The following RBMS3 variants were observed in gnomAD, a reference collection of about 807,000 sequenced individuals.
RBMS3 encodes the protein RNA binding motif single stranded interacting protein 3, also known as RNA-binding motif, single-stranded-interacting protein 3.
A neutral mutation model predicts 66.8 loss-of-function variants in RBMS3; 27 were observed. The observed-to-expected ratio is 0.40, with a 90% CI of 0.30 to 0.56. The LOEUF (loss-of-function observed/expected upper bound fraction) is 0.56, where lower values mean the gene tolerates loss of function less well. Ranked by LOEUF, RBMS3 falls within the 20% of genes least tolerant of loss-of-function variation. RBMS3 has a pLI of 0.40. For synonymous variants in RBMS3, 188 were observed against 183.0 expected, an observed-to-expected ratio of 1.03 and a Z score of -0.22; for missense variants, 513 against 549.5, an observed-to-expected ratio of 0.93 and a Z score of 0.66.
chr3:29,410,227 C>T (rs550421883), intron 1 of RBMS3, among the ~76,000 whole-genome samples: 30 of 152,344 alleles, frequency 2.0e-4, no homozygotes, highest in African/African-American at 7.2e-4. Context: ...GAACTGCCTG[C>T]AGCCTGTAAC....
intron 6 of RBMS3, among the ~76,000 whole-genome samples, chr3:29,864,487 TTTG>T (rs201377299): frequency 0.012 from 1,880 of 152,126 alleles, 40 homozygotes; most frequent in African/African-American, 0.043. Context: ...AACACATCTT[TTTG>T]TTGTTGTTGT....
rs559248579 is a variant in RBMS3, at chr3:29,629,965, T to A, written c.399+42760T>A. ...ATTCATAGTAGGTCACAGGAAATCA[T>A]CCCTTTCTCATGTTATGAAACAGAA... On this transcript the variant is annotated intron_variant, in intron 4 of 14. Transcript: ENST00000383767. Among the ~76,000 whole-genome samples, 4 of 152,186 alleles carry A rather than the reference T, an allele frequency of 2.6e-5. No individual in the cohort carries two copies. In the South Asian group the frequency reaches 8.3e-4, roughly 32 times the overall value.
chr3:29,487,831 A>G (rs143522151), intron 2 of RBMS3, among the ~76,000 whole-genome samples: 4 of 152,194 alleles, frequency 2.6e-5, no homozygotes, highest in Non-Finnish European at 5.9e-5. Context: ...CAAAAAGCAC[A>G]TATTACTTAC....
At chr3:29,295,273 TTATATATATATATATA>T (rs370586837) in intron 1 of RBMS3, among the ~76,000 whole-genome samples, 1 of 51,352 alleles carries the variant, frequency 1.9e-5, no homozygotes. Flanking sequence ...TTGCAGAAAA[TTATATATATATATATA>T]TATATACATA....
intron 1 of RBMS3, among the ~76,000 whole-genome samples, chr3:29,362,098 C>T (rs2037629875): frequency 6.6e-6 from 1 of 152,238 alleles, no homozygotes; most frequent in Admixed American, 6.5e-5. Context: ...TGAGGAGCTG[C>T]ATTCCTTTGG....
At chr3:29,779,978 T>TG (rs1280284871) in intron 6 of RBMS3, among the ~76,000 whole-genome samples, 1 of 151,138 alleles carries the variant, frequency 6.6e-6, no homozygotes, top group Non-Finnish European at 1.5e-5. Flanking sequence ...GAAGTAATAA[T>TG]GGGGGTAAAA....
intron 6 of RBMS3, among the ~76,000 whole-genome samples, chr3:29,865,798 T>A (rs1284572692): frequency 6.6e-6 from 1 of 152,082 alleles, no homozygotes; most frequent in African/African-American, 2.4e-5. Context: ...TATGGGCCAA[T>A]TCTGCTTATA....
At chr3:29,453,940 G>A (rs1465030620) in intron 2 of RBMS3, among the ~76,000 whole-genome samples, 2 of 152,178 alleles carry the variant, frequency 1.3e-5, no homozygotes, top group Non-Finnish European at 1.5e-5. Context: ...ACTGGAGGAG[G>A]TGAGGGAAGA....
chr3:29,531,410 A>G (rs1231510319), intron 3 of RBMS3, among the ~76,000 whole-genome samples: 1 of 152,214 alleles, frequency 6.6e-6, no homozygotes, highest in Non-Finnish European at 1.5e-5. Context: ...GTTTATTTCA[A>G]CTAATGACTC....
chr3:29,527,453 C>G (rs922181263), intron 3 of RBMS3, among the ~76,000 whole-genome samples: 2 of 152,086 alleles, frequency 1.3e-5, no homozygotes, highest in Non-Finnish European at 2.9e-5. Flanking sequence ...TTGTGTGAAT[C>G]TGGGCCTGAA....
chr3:29,900,290 A>G (rs981864319), intron 10 of RBMS3, among the ~76,000 whole-genome samples: 3 of 151,782 alleles, frequency 2.0e-5, no homozygotes, highest in South Asian at 2.1e-4. Flanking sequence ...AGATGAATTT[A>G]TATAGATAGA....
At chr3:29,407,918 A>G (rs985684379) in intron 1 of RBMS3, among the ~76,000 whole-genome samples, 27 of 152,326 alleles carry the variant, frequency 1.8e-4, no homozygotes, top group African/African-American at 5.1e-4. Context: ...TATCCTTAAG[A>G]GACATTATGG....
chr3:29,703,789 T>C (rs9878859), intron 4 of RBMS3, among the ~76,000 whole-genome samples: 1,988 of 152,294 alleles, frequency 0.013, 36 homozygotes, highest in African/African-American at 0.041. Context: ...CCCTACAGGT[T>C]GTGTTACAAA....
intron 1 of RBMS3, among the ~76,000 whole-genome samples, chr3:29,419,717 T>C (rs2040623598): frequency 1.3e-5 from 2 of 152,168 alleles, no homozygotes; most frequent in Admixed American, 6.5e-5. Flanking sequence ...TTCGCCAAAG[T>C]GTTGGGTTCC....
chr3:29,794,930 C>T (rs998692709), intron 6 of RBMS3, among the ~76,000 whole-genome samples: 3 of 152,172 alleles, frequency 2.0e-5, no homozygotes, highest in Admixed American at 6.5e-5. Flanking sequence ...AAGCATGTAT[C>T]TTATGGTAGC....
intron 11 of RBMS3, among the ~76,000 whole-genome samples, chr3:29,943,602 G>C (rs1217202727): frequency 6.6e-6 from 1 of 151,766 alleles, no homozygotes; most frequent in Admixed American, 6.6e-5. Flanking sequence ...AATAGATTCT[G>C]TTCTGTGTAT....
At chr3:29,613,332 A>T (rs891063681) in intron 4 of RBMS3, among the ~76,000 whole-genome samples, 1 of 152,110 alleles carries the variant, frequency 6.6e-6, no homozygotes, top group Non-Finnish European at 1.5e-5. Flanking sequence ...TTTTCTGCAC[A>T]TCCTCTCCAA....
chr3:29,509,140 G>A (rs2044298623), intron 3 of RBMS3, among the ~76,000 whole-genome samples: 1 of 151,722 alleles, frequency 6.6e-6, no homozygotes, highest in Admixed American at 6.6e-5. Flanking sequence ...ACTCTTGAGT[G>A]TAGGGAGTAT....
At position 29,991,285 on chromosome 3, in the gene RBMS3, A is replaced by G. The variant is rs925872960; in HGVS notation, c.1307+76A>G. On this transcript the variant is annotated intron_variant, in intron 14 of 14. Transcript: ENST00000383767. ...ATCACTCTCTCATGTTGTATGTGTTAGCTTTTGCTGAAATATAAACCATCC... is the reference window on the plus strand; with the variant it reads ...ATCACTCTCTCATGTTGTATGTGTTGGCTTTTGCTGAAATATAAACCATCC... 4 of 1,594,206 alleles carry G rather than the reference A, an allele frequency of 2.5e-6. No homozygotes were observed. In the African/African-American group the frequency reaches 4.0e-5, roughly 16 times the overall value.
Sources: gnomAD v4.1 joint callset for allele counts (sites outside exome capture counted in the v4.1 genomes callset) on GRCh38, gnomAD v4.1.1 for gene constraint, MANE v1.5 for transcripts, NCBI Gene and HGNC (gene_info 2026-07-23, HGNC 2026-07-21) for gene names.